The following ZNF503 variants were observed in gnomAD, a reference collection of about 807,000 sequenced individuals.
ZNF503 encodes NocA-like zinc finger 2.
A neutral mutation model predicts 34.4 loss-of-function variants in ZNF503; 15 were observed. That is an observed-to-expected ratio of 0.44 (90% confidence interval 0.29 to 0.67). The LOEUF (loss-of-function observed/expected upper bound fraction) is 0.67. Ranked by LOEUF, ZNF503 falls within the 30% of genes least tolerant of loss-of-function variation. The probability of loss-of-function intolerance (pLI) is 0.13; values close to 1 mark genes in which losing one functional copy is unlikely to be tolerated. For missense variants in ZNF503, 1,007 were observed against 926.8 expected (o/e 1.09, Z -1.12); for synonymous variants, 580 against 456.8 (o/e 1.27, Z -3.44).
At chr10:75,319,195 G>T in the ZNF503 span, among the ~76,000 whole-genome samples, 6 of 152,060 alleles carry the variant, frequency 3.9e-5, no homozygotes, top group Admixed American at 3.9e-4. Context: ...CAAACTCCTA[G>T]ACTCAAGCAA....
At chr10:75,311,158 T>G in the ZNF503 span, among the ~76,000 whole-genome samples, 203 of 152,266 alleles carry the variant, frequency 1.3e-3, no homozygotes, top group Non-Finnish European at 2.2e-3. Context: ...GCTGAAGAAC[T>G]TGGACTCCAA....
the ZNF503 span, among the ~76,000 whole-genome samples, chr10:75,324,523 G>C: frequency 6.6e-6 from 1 of 151,920 alleles, no homozygotes; most frequent in African/African-American, 2.4e-5. Flanking sequence ...GACAGGGTTT[G>C]GCTTTGTTGC....
the ZNF503 span, among the ~76,000 whole-genome samples, chr10:75,340,675 T>C: frequency 1.3e-5 from 2 of 152,158 alleles, no homozygotes; most frequent in Non-Finnish European, 2.9e-5. Flanking sequence ...TTCAGCTCAC[T>C]GCAACCTCCA....
At chr10:75,352,715 A>G in the ZNF503 span, among the ~76,000 whole-genome samples, 1 of 152,210 alleles carries the variant, frequency 6.6e-6, no homozygotes, top group African/African-American at 2.4e-5. Context: ...TGGCCTCCCT[A>G]TTTAAAGAAG....
Position 75,401,159 on chromosome 10 carries a change from A to T in ZNF503, c.261T>A (p.Ile87=). 2 of 1,611,876 alleles carry T rather than the reference A, an allele frequency of 1.2e-6. No homozygotes were observed. Among genetic ancestry groups the T allele is most frequent in the Non-Finnish European group, 1.7e-6 (2 of 1,178,970 alleles). ...GGGGCTGCAGGTACTCGGGGTGCAA[A>T]ATGTGGCCAGTTCGTGCCGTCAGCA... The part of the protein sequence containing the change: ...LKMLTARTGH[I]LHPEYLQPLP... Residue 87 remains isoleucine (I), a synonymous_variant, in exon 1 of 2, where the codon ATT becomes ATA. Coordinates refer to ENST00000372524, the MANE Select transcript of ZNF503 (RefSeq NM_032772.6).
chr10:75,293,979 G>C, the ZNF503 span, among the ~76,000 whole-genome samples: 1 of 152,294 alleles, frequency 6.6e-6, no homozygotes, highest in East Asian at 1.9e-4. Context: ...GAGTGGGCCT[G>C]GCAGGGGTGG....
the ZNF503 span, among the ~76,000 whole-genome samples, chr10:75,323,036 T>C: frequency 3.3e-5 from 5 of 152,164 alleles, no homozygotes; most frequent in Admixed American, 3.3e-4. Context: ...GAACAATCCA[T>C]TACTCCAAAA....
chr10:75,313,214 T>G, the ZNF503 span, among the ~76,000 whole-genome samples: 1 of 152,192 alleles, frequency 6.6e-6, no homozygotes, highest in African/African-American at 2.4e-5. Flanking sequence ...ATAGGGGTTT[T>G]TTTGCAATTT....
the ZNF503 span, among the ~76,000 whole-genome samples, chr10:75,344,265 G>A: frequency 2.0e-5 from 3 of 152,348 alleles, no homozygotes; most frequent in East Asian, 5.8e-4. Flanking sequence ...TGGCGTGGCA[G>A]TTGAGATGAC....
At chr10:75,305,302 T>C in the ZNF503 span, among the ~76,000 whole-genome samples, 1 of 152,104 alleles carries the variant, frequency 6.6e-6, no homozygotes, top group Admixed American at 6.5e-5. Context: ...ATCCAAGTTG[T>C]ATGGAATAAG....
chr10:75,386,070 ATTCCCCCAT>A, the ZNF503 span, among the ~76,000 whole-genome samples: 1 of 152,126 alleles, frequency 6.6e-6, no homozygotes, highest in Non-Finnish European at 1.5e-5. Context: ...TACTTCATCC[ATTCCCCCAT>A]TTCCCCTGGC....
At chr10:75,384,571 C>T in the ZNF503 span, among the ~76,000 whole-genome samples, 5 of 152,116 alleles carry the variant, frequency 3.3e-5, no homozygotes, top group African/African-American at 1.2e-4. Context: ...ACTCCCTTGC[C>T]ACATCCTCAC....
chr10:75,374,750 T>C, the ZNF503 span, among the ~76,000 whole-genome samples: 1 of 152,240 alleles, frequency 6.6e-6, no homozygotes, highest in African/African-American at 2.4e-5. Context: ...TGGCGTGAAA[T>C]ACATGCACAA....
chr10:75,281,242 G>A, the ZNF503 span, among the ~76,000 whole-genome samples: 1 of 152,150 alleles, frequency 6.6e-6, no homozygotes, highest in Non-Finnish European at 1.5e-5. Flanking sequence ...ACCCGGAGGG[G>A]CCTGAGATGG....
the ZNF503 span, among the ~76,000 whole-genome samples, chr10:75,380,113 C>T: frequency 1.9e-3 from 282 of 152,286 alleles, 2 homozygotes; most frequent in Admixed American, 4.8e-3. Context: ...TAGAGACTCT[C>T]CCTTCAGTGC....
the ZNF503 span, among the ~76,000 whole-genome samples, chr10:75,388,320 C>T: frequency 2.4e-4 from 36 of 151,860 alleles, no homozygotes; most frequent in Admixed American, 7.2e-4. Flanking sequence ...GGTATAAATA[C>T]TCCCACCATG....
chr10:75,363,191 C>T, the ZNF503 span, among the ~76,000 whole-genome samples: 2 of 152,200 alleles, frequency 1.3e-5, no homozygotes, highest in Non-Finnish European at 2.9e-5. Context: ...TCCAGTCCAC[C>T]TTTACCCCAC....
the ZNF503 span, among the ~76,000 whole-genome samples, chr10:75,346,496 T>C: frequency 6.6e-6 from 1 of 151,762 alleles, no homozygotes; most frequent in East Asian, 1.9e-4. Context: ...AGTGCTGCAA[T>C]CTTGGCTCAC....
the ZNF503 span, among the ~76,000 whole-genome samples, chr10:75,344,807 G>C: frequency 1.3e-5 from 2 of 152,228 alleles, no homozygotes; most frequent in South Asian, 4.1e-4. Context: ...AAGGTCCATA[G>C]AGTACTTCAG....
Sources: allele counts gnomAD v4.1 joint callset (sites outside exome capture counted in the v4.1 genomes callset), GRCh38; gene constraint gnomAD v4.1.1; transcripts MANE v1.5; gene names NCBI Gene and HGNC (gene_info 2026-07-23, HGNC 2026-07-21).